CDKN2B-AS1: variants seen among roughly 807,000 people sequenced by gnomAD.
The protein encoded by CDKN2B-AS1 is CDKN2B antisense RNA 1 (non-protein coding).
At chr9:22,011,586 C>G (rs1587394880) in intron 1 of CDKN2B-AS1, among the ~76,000 whole-genome samples, 1 of 152,090 alleles carries the variant, frequency 6.6e-6, no homozygotes, top group Non-Finnish European at 1.5e-5. Context: ...TTTTTAGCAG[C>G]TGTCATGGTA....
intron 4 of CDKN2B-AS1, among the ~76,000 whole-genome samples, chr9:22,079,863 G>A (rs1315352506): frequency 6.6e-6 from 1 of 152,158 alleles, no homozygotes; most frequent in Admixed American, 6.5e-5. Context: ...ACACTTCGTT[G>A]AAAACCTACT....
rs1444920625 is a variant in CDKN2B-AS1 at position 22,005,864 on chromosome 9, C to CTTGT, written n.29+10703_29+10704insTTGT. The CTTGT allele has an allele frequency of 2.3e-6, 3 of 1,329,996 alleles. No homozygotes were observed. The highest frequency in any genetic ancestry group is 3.1e-6 in the Non-Finnish European group (3 of 963,186). 82.4% of individuals were successfully genotyped at this position (1,329,996 alleles called of 1,614,324 possible). A position where few individuals can be genotyped will look rare whatever the true frequency, so the allele number is the denominator to read the frequency against. On this transcript the variant is annotated intron_variant and non_coding_transcript_variant, in intron 1 of 4. Transcript: ENST00000650946. This position sits in a 1 kb window ranked among gnomAD's most constrained non-coding sequence, Gnocchi z 4.9. ...GCTCCTCCTTCCTGTGAGTCTCAGA[C>CTTGT]AGGCTTGCAGGCTTACAGGCTTTCC...
chr9:21,999,269 A>C lies in CDKN2B-AS1; in HGVS notation n.29+4108A>C, dbSNP rs761358740. ...CTATTTTAAGTATGTAAAGACACAC[A>C]CAAATAATGTATGGAAATATATATA... On this transcript the variant is annotated intron_variant and non_coding_transcript_variant, in intron 1 of 4. Transcript: ENST00000650946. This position sits in a 1 kb window ranked among gnomAD's most constrained non-coding sequence, Gnocchi z 4.7. 1.6e-4 allele frequency among the ~76,000 whole-genome samples: 24 copies of C among 151,934 alleles called. No individual in the cohort carries two copies. Among genetic ancestry groups the C allele is most frequent in the Non-Finnish European group, 3.2e-4 (22 of 67,920 alleles).
At chr9:22,124,218 C>T (rs1826144266) in intron 4 of CDKN2B-AS1, among the ~76,000 whole-genome samples, 1 of 152,148 alleles carries the variant, frequency 6.6e-6, no homozygotes, top group Non-Finnish European at 1.5e-5. Flanking sequence ...TAATCCATTT[C>T]TATTTGATGT....
At chr9:22,067,609 G>T (rs951034084) in intron 4 of CDKN2B-AS1, among the ~76,000 whole-genome samples, 4 of 152,112 alleles carry the variant, frequency 2.6e-5, no homozygotes, top group African/African-American at 9.7e-5. Flanking sequence ...GTGGAGAGCT[G>T]AAATATGAAG....
chr9:22,026,651 T>A (rs1195357596), intron 1 of CDKN2B-AS1, among the ~76,000 whole-genome samples: 1 of 152,204 alleles, frequency 6.6e-6, no homozygotes, highest in Non-Finnish European at 1.5e-5. Flanking sequence ...TTCAGCCTCT[T>A]TTCTGGGGTA....
intron 4 of CDKN2B-AS1, among the ~76,000 whole-genome samples, chr9:22,086,198 GC>G (rs1824863641): frequency 6.6e-6 from 1 of 152,132 alleles, no homozygotes; most frequent in South Asian, 2.1e-4. Context: ...GAACTTGATA[GC>G]CCCAAGGAGC....
intron 1 of CDKN2B-AS1, among the ~76,000 whole-genome samples, chr9:22,025,702 G>T (rs1822204654): frequency 6.6e-6 from 1 of 152,172 alleles, no homozygotes; most frequent in East Asian, 1.9e-4. Flanking sequence ...TTCTCTCTGG[G>T]AGCTCCATCC....
At chr9:22,054,547 C>T (rs1490162384) in intron 3 of CDKN2B-AS1, among the ~76,000 whole-genome samples, 6 of 151,750 alleles carry the variant, frequency 4.0e-5, no homozygotes, top group Admixed American at 3.9e-4. Context: ...TTTTATTTTT[C>T]TAGTGAGAAA....
At chr9:22,046,407 T>C (rs1823110318) in intron 1 of CDKN2B-AS1, 1 of 152,126 alleles carries the variant, frequency 6.6e-6, no homozygotes, top group African/African-American at 2.4e-5. Context: ...CTCATGTACT[T>C]AACCACTGGA....
rs1389803890 is a variant in CDKN2B-AS1 at position 21,996,312 on chromosome 9, A to G, written n.29+1151A>G. On this transcript the variant is annotated intron_variant and non_coding_transcript_variant, in intron 1 of 4. Transcript: ENST00000650946. This position sits in a 1 kb window ranked among gnomAD's most constrained non-coding sequence, Gnocchi z 5.4. ...GTAGCCACTCTAAATATCTATCTAG[A>G]TATTTACAAATGCACCTCCCCGGTA... 1.3e-5 allele frequency among the ~76,000 whole-genome samples: 2 copies of G among 152,108 alleles called. No individual in the cohort carries two copies. The highest frequency in any genetic ancestry group is 2.9e-5 in the Non-Finnish European group (2 of 68,020).
At chr9:22,013,008 C>T (rs1821578746) in intron 1 of CDKN2B-AS1, among the ~76,000 whole-genome samples, 1 of 152,202 alleles carries the variant, frequency 6.6e-6, no homozygotes, top group Non-Finnish European at 1.5e-5. Flanking sequence ...TATTTATTTT[C>T]TCAGAGTTTT....
In CDKN2B-AS1 at chr9:22,001,818, T is replaced by C. The variant is rs773934086; in HGVS notation, n.29+6657T>C. Among the ~76,000 whole-genome samples, 1 of 152,092 alleles carries C rather than the reference T, an allele frequency of 6.6e-6. No homozygotes were observed. The highest frequency in any genetic ancestry group is 1.5e-5 in the Non-Finnish European group (1 of 67,944). On this transcript the variant is annotated intron_variant and non_coding_transcript_variant, in intron 1 of 4. Coordinates refer to ENST00000650946, the Ensembl canonical transcript of CDKN2B-AS1. This position sits in a 1 kb window ranked among gnomAD's most constrained non-coding sequence, Gnocchi z 4.2. ...CAGGTATGAAGGATAGTAGTAGAGA[T>C]GTTACATGAGTTAGCACTCATATAT...
At chr9:22,113,507 A>T (rs73441204) in intron 4 of CDKN2B-AS1, among the ~76,000 whole-genome samples, 5 of 152,328 alleles carry the variant, frequency 3.3e-5, no homozygotes, top group African/African-American at 1.2e-4. Flanking sequence ...CATTGCAGAG[A>T]CTAGGGTATA....
chr9:22,015,325 C>T (rs1022927324), intron 1 of CDKN2B-AS1, among the ~76,000 whole-genome samples: 1 of 151,966 alleles, frequency 6.6e-6, no homozygotes. Context: ...GATTCATTTT[C>T]CTATGAAAAA....
intron 4 of CDKN2B-AS1, among the ~76,000 whole-genome samples, chr9:22,124,776 G>A (rs540064720): frequency 6.6e-6 from 1 of 152,290 alleles, no homozygotes; most frequent in South Asian, 2.1e-4. Context: ...TGATACCATT[G>A]TTTACACAAG....
At chr9:22,063,469 T>TA (rs940844646) in intron 4 of CDKN2B-AS1, among the ~76,000 whole-genome samples, 1 of 152,116 alleles carries the variant, frequency 6.6e-6, no homozygotes, top group Non-Finnish European at 1.5e-5. Context: ...ATTGATCAAG[T>TA]AAAAAAATTG....
Position 22,066,130 on chromosome 9 carries a change from C to G in CDKN2B-AS1, n.438+9743C>G, listed in dbSNP as rs561129885. On this transcript the variant is annotated intron_variant and non_coding_transcript_variant, in intron 4 of 4. Transcript: ENST00000650946. ...ATCCATTTGAATCACCTGCAAGTTT[C>G]TTTTACATGTCTAGAGTGAGGACAA... 5 of 152,250 alleles carry G rather than the reference C, an allele frequency of 3.3e-5. No individual in the cohort carries two copies. The South Asian group carries it at 1.0e-3, about 32-fold the overall frequency. The allele number at this position is 152,250 out of a possible 1,614,324, so 9.4% of individuals were successfully genotyped here.
At chr9:22,042,591 G>A (rs1822942114) in intron 1 of CDKN2B-AS1, among the ~76,000 whole-genome samples, 1 of 152,032 alleles carries the variant, frequency 6.6e-6, no homozygotes, top group South Asian at 2.1e-4. Context: ...CTTGCCCCAT[G>A]GCCACCACTG....
Sources: gnomAD v4.1 joint callset for allele counts (sites outside exome capture counted in the v4.1 genomes callset) on GRCh38, gnomAD v4.1.1 for gene constraint, Gnocchi (gnomAD v3.1) non-coding constraint, MANE v1.5 for transcripts, NCBI Gene and HGNC (gene_info 2026-07-23, HGNC 2026-07-21) for gene names.